PRMT8: variants seen among roughly 807,000 people sequenced by gnomAD.
PRMT8 encodes protein arginine methyltransferase 8, also known as protein arginine N-methyltransferase 8.
Under a neutral mutation model 47.1 loss-of-function variants are expected in PRMT8, and 7 were observed. That is an observed-to-expected ratio of 0.15 (90% CI 0.08 to 0.28). PRMT8 has a LOEUF of 0.28. Ranked by LOEUF, PRMT8 falls within the 10% of genes least tolerant of loss-of-function variation. PRMT8 has a pLI of 1.00. For synonymous variants in PRMT8, 188 were observed against 186.5 expected, an observed-to-expected ratio of 1.01 and a Z score of -0.07; for missense variants, 237 against 505.4, an observed-to-expected ratio of 0.47 and a Z score of 5.09.
Position 3,576,401 on chromosome 12 carries a change from G to A in PRMT8, c.713-470G>A, listed in dbSNP as rs528248335. On this transcript the variant is annotated intron_variant, in intron 6 of 9. Coordinates refer to ENST00000382622, the MANE Select transcript of PRMT8 (RefSeq NM_019854.5). This position sits in a 1 kb window ranked among gnomAD's most constrained non-coding sequence, Gnocchi z 4.0. The stretch of plus-strand genomic sequence containing the variant: ...CTCTGTGCTGCATTAAAGGTTCAGT[G>A]GATGGGGACAGGAAAAGGGAGAGAG... Among the ~76,000 whole-genome samples the A allele has an allele frequency of 1.3e-5, 2 of 152,338 alleles. No individual in the cohort carries two copies. The highest frequency in any genetic ancestry group is 4.8e-5 in the African/African-American group (2 of 41,574).
intron 4 of PRMT8, among the ~76,000 whole-genome samples, chr12:3,558,868 T>C (rs1401094923): frequency 6.6e-6 from 1 of 152,230 alleles, no homozygotes; most frequent in African/African-American, 2.4e-5. Flanking sequence ...TCTTTTCCCT[T>C]TGTAATTAGT....
chr12:3,470,070 C>T (rs888385032), intron 1 of PRMT8, among the ~76,000 whole-genome samples: 2 of 152,132 alleles, frequency 1.3e-5, no homozygotes, highest in African/African-American at 4.8e-5. Flanking sequence ...ATTTTCAAAA[C>T]GCTCAATTAT....
chr12:3,478,386 G>A (rs1199376898), intron 1 of PRMT8, among the ~76,000 whole-genome samples: 1 of 152,156 alleles, frequency 6.6e-6, no homozygotes, highest in Non-Finnish European at 1.5e-5. Context: ...GCCAGGCCAT[G>A]CAGGGATTTA....
chr12:3,519,968 A>C (rs978969623), intron 1 of PRMT8, among the ~76,000 whole-genome samples: 12 of 152,206 alleles, frequency 7.9e-5, no homozygotes, highest in African/African-American at 2.9e-4. Flanking sequence ...AATCTTAAAA[A>C]CCCAATACAG....
intron 1 of PRMT8, among the ~76,000 whole-genome samples, chr12:3,472,602 A>C (rs1462137857): frequency 6.6e-6 from 1 of 152,228 alleles, no homozygotes; most frequent in Admixed American, 6.5e-5. Context: ...TGGGAAGTCC[A>C]AGTGACTCTG....
rs1481581737 is a variant in PRMT8 at position 3,583,453 on chromosome 12, G to A, written c.979+245G>A. ...GAGTGTGTTGGATGAGGGAGAGGCAGGAGGTAGGGCTCATGGAGGGGCCCC... is the reference window on the plus strand; with the variant it reads ...GAGTGTGTTGGATGAGGGAGAGGCAAGAGGTAGGGCTCATGGAGGGGCCCC... On this transcript the variant is annotated intron_variant, in intron 8 of 9. Transcript: ENST00000382622. This position sits in a 1 kb window ranked among gnomAD's most constrained non-coding sequence, Gnocchi z 4.7. Among the ~76,000 whole-genome samples the A allele has an allele frequency of 2.0e-5, 3 of 152,198 alleles. No individual in the cohort carries two copies. The highest frequency in any genetic ancestry group is 2.1e-4 in the South Asian group (1 of 4,830).
At chr12:3,505,208 G>T (rs1164457511) in intron 1 of PRMT8, among the ~76,000 whole-genome samples, 1 of 152,008 alleles carries the variant, frequency 6.6e-6, no homozygotes, top group Non-Finnish European at 1.5e-5. Context: ...GTTCCTATTC[G>T]GCCATCTTGG....
At position 3,560,541 on chromosome 12, in the gene PRMT8, G is replaced by A. The variant is rs1018153798; in HGVS notation, c.481+6827G>A. The stretch of plus-strand genomic sequence containing the variant: ...CTGATGAGGAAACCAGTGGGCTGCC[G>A]AGATGCTTAAAAAGGTAGATTCATT... On this transcript the variant is annotated intron_variant, in intron 4 of 9. Coordinates refer to ENST00000382622, the MANE Select transcript of PRMT8 (RefSeq NM_019854.5). Among the ~76,000 whole-genome samples, 7 of 152,188 alleles carry A rather than the reference G, an allele frequency of 4.6e-5. No individual in the cohort carries two copies. The South Asian group carries it at 8.3e-4, about 18-fold the overall frequency.
At chr12:3,524,487 C>CT (rs1377357158) in intron 1 of PRMT8, among the ~76,000 whole-genome samples, 7 of 151,954 alleles carry the variant, frequency 4.6e-5, no homozygotes, top group African/African-American at 1.7e-4. Flanking sequence ...GAAGTTTAGT[C>CT]TAAGATGAGT....
upstream of PRMT8, among the ~76,000 whole-genome samples, chr12:3,490,546 T>TCGG (rs1231566588): frequency 1.9e-5 from 1 of 52,750 alleles, no homozygotes; most frequent in Admixed American, 2.1e-4. Flanking sequence ...AAGACTGGAG[T>TCGG]GGGGGGGGGG....
intron 8 of PRMT8, among the ~76,000 whole-genome samples, chr12:3,590,647 A>AT (rs903780596): frequency 1.3e-5 from 2 of 150,078 alleles, no homozygotes; most frequent in East Asian, 3.9e-4. Context: ...AAAAAAAAAA[A>AT]AGAAATCCTG....
intron 1 of PRMT8, among the ~76,000 whole-genome samples, chr12:3,534,334 G>A (rs1591589990): frequency 6.6e-6 from 1 of 152,252 alleles, no homozygotes. Context: ...AGCCCAAAGG[G>A]CTTAGGTTCA....
At chr12:3,505,263 A>G (rs1432897863) in intron 1 of PRMT8, among the ~76,000 whole-genome samples, 1 of 152,210 alleles carries the variant, frequency 6.6e-6, no homozygotes, top group Non-Finnish European at 1.5e-5. Flanking sequence ...TCACTGTCAC[A>G]GGTACTGGGG....
In PRMT8 at chr12:3,430,534, A is replaced by T. The variant is rs909562031; in HGVS notation, c.48+49092A>T. ...ATGGTGATTAACTAAGATAACATTT[A>T]AAAAAATGCCTACCAGGAAACCATA... is the stretch of plus-strand genomic sequence containing the variant. On this transcript the variant is annotated intron_variant, in intron 1 of 9. Coordinates refer to the PRMT8 transcript ENST00000452611. Among the ~76,000 whole-genome samples the T allele has an allele frequency of 3.3e-5, 5 of 152,188 alleles. No homozygotes were observed. The East Asian group carries it at 7.7e-4, about 23-fold the overall frequency.
At chr12:3,517,510 C>T (rs904735179) in intron 1 of PRMT8, among the ~76,000 whole-genome samples, 1 of 152,148 alleles carries the variant, frequency 6.6e-6, no homozygotes, top group African/African-American at 2.4e-5. Context: ...CAAGCTCATG[C>T]ATGAGCTAAG....
rs1239234422 is a variant in PRMT8 at position 3,572,642 on chromosome 12, G to GC, written c.712+3079dup. 6.6e-6 allele frequency among the ~76,000 whole-genome samples: 1 copy of GC among 152,192 alleles called. No homozygotes were observed. Among genetic ancestry groups the GC allele is most frequent in the Non-Finnish European group, 1.5e-5 (1 of 68,038 alleles). Reference sequence around the variant, plus strand: ...TTCCTCTGGTTCCAGCCCATTTTATGCAAGGATTCCACTTTCTTCATGAGA... The same window carrying GC: ...TTCCTCTGGTTCCAGCCCATTTTATGCCAAGGATTCCACTTTCTTCATGAGA... On this transcript the variant is annotated intron_variant, in intron 6 of 9. Transcript: ENST00000382622. The surrounding 1 kb of genome is among the most constrained non-coding windows in gnomAD (Gnocchi z 5.9).
chr12:3,397,436 A>C (rs2137048802), intron 1 of PRMT8, among the ~76,000 whole-genome samples: 1 of 150,396 alleles, frequency 6.6e-6, no homozygotes, highest in South Asian at 2.3e-4. Flanking sequence ...AACAGACAGG[A>C]CCCTCAGCTG....
intron 1 of PRMT8, among the ~76,000 whole-genome samples, 190 bp from the exon 2 acceptor site, chr12:3,540,416 C>G (rs1866201425): frequency 6.6e-6 from 1 of 152,148 alleles, no homozygotes; most frequent in African/African-American, 2.4e-5. Context: ...GGACTGCCAT[C>G]TCTGGACAGA....
intron 1 of PRMT8, among the ~76,000 whole-genome samples, chr12:3,458,334 G>A (rs192734018): frequency 2.1e-3 from 325 of 152,278 alleles, no homozygotes; most frequent in Middle Eastern, 6.8e-3. Context: ...CATCCTTGGC[G>A]GTGAGGACCA....
Sources: gnomAD v4.1 joint callset for allele counts (sites outside exome capture counted in the v4.1 genomes callset) on GRCh38, gnomAD v4.1.1 for gene constraint, Gnocchi (gnomAD v3.1) non-coding constraint, MANE v1.5 for transcripts, NCBI Gene and HGNC (gene_info 2026-07-23, HGNC 2026-07-21) for gene names.